The following SMG6 variants were observed in gnomAD, a reference collection of about 807,000 sequenced individuals.
The protein encoded by SMG6 is telomerase-binding protein EST1A.
A neutral mutation model predicts 142.2 loss-of-function variants in SMG6; 66 were observed. The observed-to-expected ratio is 0.46, with a 90% CI of 0.38 to 0.57. SMG6 has a LOEUF of 0.57. Among genes scored for constraint, SMG6 ranks in the 20% least tolerant of loss-of-function variants. SMG6 has a pLI of 0.00. For synonymous variants in SMG6, 779 were observed against 702.4 expected (o/e 1.11, Z -1.72); for missense variants, 1,793 against 1,832.0 (o/e 0.98, Z 0.39).
intron 13 of SMG6, among the ~76,000 whole-genome samples, chr17:2,093,251 A>AAAAC (rs770437564): frequency 3.3e-5 from 5 of 151,884 alleles, no homozygotes; most frequent in African/African-American, 4.8e-5. Context: ...GTGTCTGTCA[A>AAAAC]AAACAAACAA....
chr17:2,252,202 A>C (rs1259542869), intron 8 of SMG6, among the ~76,000 whole-genome samples: 1 of 152,182 alleles, frequency 6.6e-6, no homozygotes, highest in African/African-American at 2.4e-5. Flanking sequence ...TCACGAGGTC[A>C]AGAGATCGAG....
rs535200947 is a variant in SMG6 at position 2,085,128 on chromosome 17, G to GCACA, written c.3534+593_3534+596dup. ...GGCTCATGCATGTGCATGCGCGTGC[G>GCACA]CACACACACACACAGACGCGCACAC... On this transcript the variant is annotated intron_variant, in intron 14 of 18. Transcript: ENST00000263073. This position sits in a 1 kb window ranked among gnomAD's most constrained non-coding sequence, Gnocchi z 4.1. Among the ~76,000 whole-genome samples, 347 of 151,740 alleles carry GCACA rather than the reference G, an allele frequency of 2.3e-3. 2 individuals are homozygous for GCACA. The highest frequency in any genetic ancestry group is 7.8e-3 in the African/African-American group (321 of 41,402).
intron 10 of SMG6, among the ~76,000 whole-genome samples, chr17:2,213,472 G>A (rs978234259): frequency 3.3e-5 from 5 of 152,188 alleles, no homozygotes; most frequent in African/African-American, 4.8e-5. Flanking sequence ...GCGGGCAGAC[G>A]TTGGTGCGAG....
intron 1 of SMG6, chr17:2,303,361 C>T: frequency 8.3e-7 from 1 of 1,210,762 alleles, no homozygotes; most frequent in East Asian, 3.4e-5. Flanking sequence ...AGGGCTGGGG[C>T]AAAAGGAACA....
chr17:2,253,419 T>C (rs575039071), intron 8 of SMG6, among the ~76,000 whole-genome samples: 1 of 152,176 alleles, frequency 6.6e-6, no homozygotes, highest in South Asian at 2.1e-4. Context: ...GCCTAAAATA[T>C]TTACTATCCA....
At chr17:2,093,911 G>A (rs1272337204) in intron 13 of SMG6, among the ~76,000 whole-genome samples, 1 of 151,762 alleles carries the variant, frequency 6.6e-6, no homozygotes, top group Non-Finnish European at 1.5e-5. Flanking sequence ...CACCACTCAG[G>A]GCCTGAAATA....
chr17:2,078,866 A>T (rs1177378833), intron 15 of SMG6, among the ~76,000 whole-genome samples: 2 of 152,190 alleles, frequency 1.3e-5, no homozygotes, highest in East Asian at 3.8e-4. Flanking sequence ...CCAAAGACAA[A>T]GGGAGGTCAA....
At chr17:2,216,554 A>G (rs2073026460) in intron 10 of SMG6, among the ~76,000 whole-genome samples, 1 of 152,210 alleles carries the variant, frequency 6.6e-6, no homozygotes, top group African/African-American at 2.4e-5. Flanking sequence ...ATTTTTTTAA[A>G]TCAACAATCT....
chr17:2,147,476 C>A (rs1048212992), intron 13 of SMG6, among the ~76,000 whole-genome samples: 2 of 151,354 alleles, frequency 1.3e-5, no homozygotes, highest in African/African-American at 4.9e-5. Context: ...GTGGTGCACA[C>A]GAGTAGTCTC....
intron 8 of SMG6, among the ~76,000 whole-genome samples, chr17:2,258,034 A>AT (rs1357549109): frequency 1.2e-3 from 130 of 108,160 alleles, no homozygotes; most frequent in African/African-American, 2.8e-3. Flanking sequence ...AAAAAAAAAA[A>AT]ATATACACAC....
At chr17:2,181,762 C>T (rs1390965286) in intron 12 of SMG6, among the ~76,000 whole-genome samples, 1 of 152,210 alleles carries the variant, frequency 6.6e-6, no homozygotes, top group Non-Finnish European at 1.5e-5. Context: ...TGAGCCCTTG[C>T]CCAAAGATGG....
intron 10 of SMG6, 60 bp from the exon 11 acceptor site, chr17:2,188,575 C>T: frequency 6.9e-7 from 1 of 1,444,420 alleles, no homozygotes; most frequent in Non-Finnish European, 9.7e-7. Flanking sequence ...CATCACTGGC[C>T]ACGTTACCGA....
chr17:2,274,034 T>C (rs745449013), intron 8 of SMG6, among the ~76,000 whole-genome samples: 2 of 152,250 alleles, frequency 1.3e-5, no homozygotes, highest in Non-Finnish European at 2.9e-5. Flanking sequence ...GGAACAGAAG[T>C]TGGCAAACTA....
chr17:2,277,156 TA>T lies in SMG6; in HGVS notation c.2661+5490del, dbSNP rs1319305212. 6.8e-3 allele frequency among the ~76,000 whole-genome samples: 591 copies of T among 86,792 alleles called. 13 individuals carry two copies. The highest frequency in any genetic ancestry group is 0.017 in the African/African-American group (352 of 20,124). The allele number at this position is 86,792 out of a possible 152,430, so 56.9% of individuals were successfully genotyped here. ...ACATTTATTTATTTATTTATTTATT[TA>T]TTTATTTATTTTTTATTTTTTTTTT... is the stretch of plus-strand genomic sequence containing the variant. On this transcript the variant is annotated intron_variant, in intron 8 of 18. Transcript: ENST00000263073.
At chr17:2,142,828 C>T (rs1350064890) in intron 13 of SMG6, among the ~76,000 whole-genome samples, 2 of 135,450 alleles carry the variant, frequency 1.5e-5, no homozygotes, top group East Asian at 2.3e-4. Context: ...GCGGAGGTTG[C>T]GGTGAGCCAA....
intron 10 of SMG6, among the ~76,000 whole-genome samples, chr17:2,190,887 T>C (rs1167812105): frequency 2.0e-5 from 3 of 152,224 alleles, no homozygotes; most frequent in African/African-American, 4.8e-5. Context: ...GTAACTGTTC[T>C]GCTGTAATCA....
At chr17:2,232,851 A>G (rs2073538201) in intron 10 of SMG6, 1 of 152,182 alleles carries the variant, frequency 6.6e-6, no homozygotes, top group African/African-American at 2.4e-5. Context: ...TGCCTCCAAG[A>G]GCAGAGTGGG....
intron 8 of SMG6, among the ~76,000 whole-genome samples, chr17:2,248,449 G>A (rs1410275316): frequency 6.6e-6 from 1 of 152,162 alleles, no homozygotes; most frequent in Non-Finnish European, 1.5e-5. Context: ...GCCCCAAGAG[G>A]TTTGGAACAT....
At chr17:2,270,041 A>AC (rs776371008) in intron 8 of SMG6, among the ~76,000 whole-genome samples, 4 of 152,110 alleles carry the variant, frequency 2.6e-5, no homozygotes, top group Non-Finnish European at 5.9e-5. Flanking sequence ...AACGAAAAAA[A>AC]CAAAAAAACT....
Sources: allele counts gnomAD v4.1 joint callset (sites outside exome capture counted in the v4.1 genomes callset), GRCh38; gene constraint gnomAD v4.1.1; non-coding constraint Gnocchi (gnomAD v3.1); transcripts MANE v1.5; gene names NCBI Gene and HGNC (gene_info 2026-07-23, HGNC 2026-07-21).